GRM8: variants seen among roughly 807,000 people sequenced by gnomAD.
GRM8 encodes glutamate metabotropic receptor 8.
A neutral mutation model predicts 87.2 loss-of-function variants in GRM8; 47 were observed. The observed-to-expected ratio is 0.54, with a 90% CI of 0.43 to 0.69. GRM8 has a LOEUF of 0.69. Ranked by LOEUF, GRM8 falls within the 30% of genes least tolerant of loss-of-function variation. GRM8 has a pLI of 0.00. For synonymous variants in GRM8, 396 were observed against 404.5 expected (o/e 0.98, Z 0.25); for missense variants, 1,019 against 1,139.2 (o/e 0.89, Z 1.52).
intron 2 of GRM8, among the ~76,000 whole-genome samples, chr7:127,238,808 G>A (rs1798129933): frequency 2.0e-5 from 3 of 152,164 alleles, no homozygotes; most frequent in Admixed American, 2.0e-4. Context: ...CAGATGAGCA[G>A]GGCCACCTGT....
At chr7:127,200,499 T>C (rs1469971549) in intron 2 of GRM8, among the ~76,000 whole-genome samples, 1 of 152,218 alleles carries the variant, frequency 6.6e-6, no homozygotes. Context: ...TGGGCTTCCA[T>C]AATGAAGGAC....
intron 9 of GRM8, among the ~76,000 whole-genome samples, chr7:126,514,757 T>A (rs937447353): frequency 1.3e-5 from 2 of 152,074 alleles, no homozygotes; most frequent in Admixed American, 1.3e-4. Flanking sequence ...AAAATGTATA[T>A]CTCTAGGCAT....
intron 8 of GRM8, among the ~76,000 whole-genome samples, chr7:126,585,669 T>C (rs1372743662): frequency 6.6e-6 from 1 of 152,140 alleles, no homozygotes; most frequent in Non-Finnish European, 1.5e-5. Context: ...TAGGTATTGA[T>C]GGGACGTATC....
intron 6 of GRM8, among the ~76,000 whole-genome samples, chr7:126,883,782 T>C (rs2535934): frequency 0.36 from 54,445 of 151,852 alleles, 10,369 homozygotes; most frequent in East Asian, 0.66. Context: ...CATGCAATTA[T>C]ATTGTTGGTA....
chr7:126,719,303 T>C (rs538039413), intron 7 of GRM8, among the ~76,000 whole-genome samples: 12 of 152,340 alleles, frequency 7.9e-5, no homozygotes, highest in South Asian at 2.1e-4. Flanking sequence ...TAAAAGGATA[T>C]TTTGAAAGTA....
intron 3 of GRM8, among the ~76,000 whole-genome samples, chr7:126,926,081 G>A (rs1805081762): frequency 6.6e-6 from 1 of 151,976 alleles, no homozygotes; most frequent in South Asian, 2.1e-4. Flanking sequence ...TGCCAATATT[G>A]AATACTGTAT....
At chr7:127,108,611 CT>C (rs2133099424) in intron 2 of GRM8, among the ~76,000 whole-genome samples, 1 of 152,266 alleles carries the variant, frequency 6.6e-6, no homozygotes, top group South Asian at 2.1e-4. Flanking sequence ...ATGAGCCACC[CT>C]TTCTAAAAAT....
At chr7:126,823,464 G>T (rs962352747) in intron 6 of GRM8, among the ~76,000 whole-genome samples, 5 of 152,162 alleles carry the variant, frequency 3.3e-5, no homozygotes, top group Non-Finnish European at 7.3e-5. Context: ...TTTATCCATA[G>T]TATTGCAGTT....
rs547632784 is a variant in GRM8, at chr7:126,814,361, T to C, written c.1157-44296A>G. ...TGTAAGGGACCTTATCAGATACTTT[T>C]AACAACAAATACATCATTGAAACTC... is the stretch of plus-strand genomic sequence containing the variant. On this transcript the variant is annotated intron_variant, in intron 6 of 10. Transcript: ENST00000339582. 2.6e-5 allele frequency among the ~76,000 whole-genome samples: 4 copies of C among 152,234 alleles called. No homozygotes were observed. The East Asian group carries it at 7.7e-4, about 29-fold the overall frequency.
intron 3 of GRM8, among the ~76,000 whole-genome samples, chr7:126,996,046 G>A (rs1813148233): frequency 6.6e-6 from 1 of 152,082 alleles, no homozygotes; most frequent in African/African-American, 2.4e-5. Context: ...AGAGTGGCAT[G>A]ACATACTTAA....
Position 126,522,614 on chromosome 7 carries a change from T to C in GRM8, c.2430+10338A>G, listed in dbSNP as rs1813160864. Among the ~76,000 whole-genome samples the C allele has an allele frequency of 3.9e-5, 6 of 152,328 alleles. No individual in the cohort carries two copies. The South Asian group carries it at 1.2e-3, about 32-fold the overall frequency. Reference sequence around the variant, plus strand: ...GTGGCCTCCCAGTTCTCCTTGTGGCTATCTTAAACTTAAAACAGGTTTTTG... The same window carrying C: ...GTGGCCTCCCAGTTCTCCTTGTGGCCATCTTAAACTTAAAACAGGTTTTTG... On this transcript the variant is annotated intron_variant, in intron 9 of 10. Coordinates refer to ENST00000339582, the MANE Select transcript of GRM8 (RefSeq NM_000845.3).
chr7:126,830,956 G>A (rs959781291), intron 6 of GRM8, among the ~76,000 whole-genome samples: 3 of 152,210 alleles, frequency 2.0e-5, no homozygotes, highest in Admixed American at 2.0e-4. Context: ...ATTGGAGTTT[G>A]CTAGAGGTCC....
intron 3 of GRM8, among the ~76,000 whole-genome samples, chr7:126,933,820 G>C (rs940353874): frequency 6.6e-6 from 1 of 152,184 alleles, no homozygotes; most frequent in Non-Finnish European, 1.5e-5. Flanking sequence ...CATGAGAGCA[G>C]GAACCATGTC....
chr7:126,503,573 A>C (rs1339491085), intron 9 of GRM8, among the ~76,000 whole-genome samples: 2 of 152,080 alleles, frequency 1.3e-5, no homozygotes, highest in Non-Finnish European at 2.9e-5. Context: ...TTATTCATAA[A>C]TCTGGCATAT....
At position 126,503,409 on chromosome 7, in the gene GRM8, C is replaced by T. The variant is rs545107894; in HGVS notation, c.2430+29543G>A. On this transcript the variant is annotated intron_variant, in intron 9 of 10. Transcript: ENST00000339582. ...TTTCGAAAGCAGAAGATCCAAATTA[C>T]TTATATTTTATGAGGATTAGTTTGG... Among the ~76,000 whole-genome samples the T allele has an allele frequency of 2.6e-5, 4 of 152,016 alleles. No homozygotes were observed. The East Asian group carries it at 7.8e-4, about 30-fold the overall frequency.
chr7:127,081,480 C>T (rs972630588), intron 3 of GRM8, among the ~76,000 whole-genome samples: 4 of 152,180 alleles, frequency 2.6e-5, no homozygotes, highest in African/African-American at 9.7e-5. Context: ...TACATCTTTG[C>T]CCTGTATTTT....
intron 7 of GRM8, among the ~76,000 whole-genome samples, chr7:126,752,254 C>T (rs1312662613): frequency 6.6e-6 from 1 of 151,978 alleles, no homozygotes; most frequent in African/African-American, 2.4e-5. Flanking sequence ...TATAGTATGC[C>T]TGTGAAAAGC....
At chr7:126,785,573 T>G (rs1585922928) in intron 6 of GRM8, among the ~76,000 whole-genome samples, 1 of 152,132 alleles carries the variant, frequency 6.6e-6, no homozygotes, top group Non-Finnish European at 1.5e-5. Context: ...AGTATGGTAA[T>G]TTTTAGGAAC....
intron 8 of GRM8, 66 bp downstream of exon 8, chr7:126,609,296 A>C: frequency 8.3e-7 from 1 of 1,210,374 alleles, no homozygotes; most frequent in Non-Finnish European, 1.2e-6. Flanking sequence ...AAAGTTATAC[A>C]CTTAAAAATA....
Sources: gnomAD v4.1 joint callset for allele counts (sites outside exome capture counted in the v4.1 genomes callset) on GRCh38, gnomAD v4.1.1 for gene constraint, MANE v1.5 for transcripts, NCBI Gene and HGNC (gene_info 2026-07-23, HGNC 2026-07-21) for gene names.